Variants in C3orf62 observed in about 807,000 individuals in gnomAD.
C3orf62 encodes chromosome 3 open reading frame 62.
In C3orf62, 16 loss-of-function variants were observed where a neutral mutation model predicts 21.7. The observed-to-expected ratio is 0.74, with a 90% CI of 0.50 to 1.12. The LOEUF (loss-of-function observed/expected upper bound fraction) is 1.12, where lower values mean the gene tolerates loss of function less well. Ranked by LOEUF, C3orf62 falls within the 50% of genes most tolerant of loss-of-function variation. The pLI, the probability that C3orf62 is intolerant of heterozygous loss-of-function variation, is 0.00. For missense variants in C3orf62, 310 were observed against 318.8 expected, an observed-to-expected ratio of 0.97 and a Z score of 0.21; for synonymous variants, 114 against 117.0, an observed-to-expected ratio of 0.97 and a Z score of 0.17.
Position 49,270,359 on chromosome 3 carries a change from T to A in C3orf62, c.*821A>T. On this transcript the variant is annotated 3_prime_UTR_variant, in exon 3 of 3. Coordinates refer to ENST00000343010, the MANE Select transcript of C3orf62 (RefSeq NM_198562.3). ...GATTCAGTTTCCTTTCTTCCCTTTTTTTTTCTTTTTTTTTTTGAGACAGGG... is the reference window on the plus strand; with the variant it reads ...GATTCAGTTTCCTTTCTTCCCTTTTATTTTCTTTTTTTTTTTGAGACAGGG... 6.6e-6 allele frequency: 1 copy of A among 152,370 alleles called. No homozygotes were observed. The highest frequency in any genetic ancestry group is 1.9e-4 in the East Asian group (1 of 5,214). 9.4% of individuals were successfully genotyped at this position (152,370 alleles called of 1,614,324 possible). A position where few individuals can be genotyped will look rare whatever the true frequency, so the allele number is the denominator to read the frequency against.
At chr3:49,276,037 G>T (rs1377360608) in intron 1 of C3orf62, among the ~76,000 whole-genome samples, 1 of 152,144 alleles carries the variant, frequency 6.6e-6, no homozygotes, top group Non-Finnish European at 1.5e-5. Flanking sequence ...GTGGGCAAAG[G>T]AGGGTATCAA....
At chr3:49,271,939 A>G (rs1268009531) in intron 2 of C3orf62, among the ~76,000 whole-genome samples, 1 of 149,526 alleles carries the variant, frequency 6.7e-6, no homozygotes, top group African/African-American at 2.5e-5. Context: ...AAAAAAAAAC[A>G]AAAAAACCTC....
intron 1 of C3orf62, among the ~76,000 whole-genome samples, chr3:49,275,551 T>C (rs867462385): frequency 8.6e-6 from 1 of 116,176 alleles, no homozygotes; most frequent in African/African-American, 3.4e-5. Flanking sequence ...TTTTTTTTGA[T>C]ACGGAGTCTC....
rs972224875 is a variant in C3orf62, at chr3:49,277,117, G to A, written c.-245C>T. 8.8e-6 allele frequency: 13 copies of A among 1,475,310 alleles called. No homozygotes were observed. The highest frequency in any genetic ancestry group is 1.2e-5 in the Non-Finnish European group (13 of 1,107,726). The allele number at this position is 1,475,310 out of a possible 1,614,324, so 91.4% of individuals were successfully genotyped here. A position where few individuals can be genotyped will look rare whatever the true frequency, so the allele number is the denominator to read the frequency against. ...CCGCCGCTGCCTCCCGCCCCACCGC[G>A]GCTCCCAGGCCGCTGGCCCTACCGG... On this transcript the variant is annotated 5_prime_UTR_variant, in exon 1 of 3. Coordinates refer to ENST00000343010, the MANE Select transcript of C3orf62 (RefSeq NM_198562.3).
In C3orf62 at chr3:49,271,414, C is replaced by G. The variant is rs769802728; in HGVS notation, c.570G>C (p.Leu190Phe). ...CGTTTTCAAATTCTATTTTTCCAGC[C>G]AATTCTTCAATAGTTCGGATGCTTG... is the stretch of plus-strand genomic sequence containing the variant. ...DHTSIRTIEE[L>F]AGKIEFENEL... Residue 190 changes from leucine to phenylalanine, a missense_variant, in exon 3 of 3, where the codon TTG becomes TTC. Transcript: ENST00000343010. 3.1e-6 allele frequency: 5 copies of G among 1,613,980 alleles called. No homozygotes were observed. The African/African-American group carries it at 4.0e-5, about 13-fold the overall frequency.
chr3:49,273,272 T>C (rs771664558), intron 2 of C3orf62, among the ~76,000 whole-genome samples: 1 of 152,130 alleles, frequency 6.6e-6, no homozygotes, highest in African/African-American at 2.4e-5. Context: ...TAGCCAATCA[T>C]GGTGGCGTGC....
intron 1 of C3orf62, among the ~76,000 whole-genome samples, chr3:49,275,111 G>A (rs2107757123): frequency 6.7e-6 from 1 of 149,756 alleles, no homozygotes; most frequent in East Asian, 2.0e-4. Flanking sequence ...GAGCCACTGT[G>A]CCCAGCATTT....
intron 2 of C3orf62, among the ~76,000 whole-genome samples, chr3:49,272,511 T>C (rs902728912): frequency 4.7e-5 from 7 of 149,664 alleles, no homozygotes; most frequent in Non-Finnish European, 7.4e-5. Context: ...GGAAAGCTTT[T>C]GACTTCTAAT....
intron 1 of C3orf62, chr3:49,274,367 T>C: frequency 2.1e-6 from 1 of 469,406 alleles, no homozygotes; most frequent in Non-Finnish European, 3.9e-6. Context: ...TATTAAATTT[T>C]TTTCTTTTTT....
In C3orf62 at chr3:49,269,422, A is replaced by G. The variant is rs2046900868; in HGVS notation, c.*1758T>C. 6.6e-6 allele frequency: 1 copy of G among 152,200 alleles called. No individual in the cohort carries two copies. The highest frequency in any genetic ancestry group is 1.9e-4 in the East Asian group (1 of 5,194). The allele number at this position is 152,200 out of a possible 1,614,324, so 9.4% of individuals were successfully genotyped here. ...GTCCACATCCACATGTATTATTTGGAAGGCACTGTTTTGAGACCTGTTTTT... is the reference window on the plus strand; with the variant it reads ...GTCCACATCCACATGTATTATTTGGGAGGCACTGTTTTGAGACCTGTTTTT... On this transcript the variant is annotated 3_prime_UTR_variant, in exon 3 of 3. Transcript: ENST00000343010.
At position 49,270,936 on chromosome 3, in the gene C3orf62, C is replaced by T; in HGVS notation, c.*244G>A. 2.0e-6 allele frequency: 1 copy of T among 507,388 alleles called. No homozygotes were observed. Among genetic ancestry groups the T allele is most frequent in the Non-Finnish European group, 3.5e-6 (1 of 287,642 alleles). The allele number at this position is 507,388 out of a possible 1,614,324, so 31.4% of individuals were successfully genotyped here. On this transcript the variant is annotated 3_prime_UTR_variant, in exon 3 of 3. Transcript: ENST00000343010. Reference sequence around the variant, plus strand: ...ATATTGAACATCAATCAAAAAAACACATTCAAGATGTCAAGGAAAGTTAAA... The same window carrying T: ...ATATTGAACATCAATCAAAAAAACATATTCAAGATGTCAAGGAAAGTTAAA...
At chr3:49,271,892 C>G (rs1277575172) in intron 2 of C3orf62, among the ~76,000 whole-genome samples, 4 of 120,746 alleles carry the variant, frequency 3.3e-5, no homozygotes, top group Admixed American at 3.2e-4. Context: ...GCCTGGGCAA[C>G]AGAGTGAGGC....
Position 49,275,519 on chromosome 3 carries a change from G to GTTTTTTTTTTT in C3orf62, c.446+897_446+907dup, listed in dbSNP as rs59375945. On this transcript the variant is annotated intron_variant, in intron 1 of 2. Transcript: ENST00000343010. ...GCAGCCAAGATGGCAGAACTTTGAA[G>GTTTTTTTTTTT]TTTTTTTTTTTTTTTTTTTTTTTTT... 7.2e-4 allele frequency among the ~76,000 whole-genome samples: 50 copies of GTTTTTTTTTTT among 69,296 alleles called. 10 individuals carry two copies. Among genetic ancestry groups the GTTTTTTTTTTT allele is most frequent in the Non-Finnish European group, 9.3e-4 (37 of 39,742 alleles). 45.5% of individuals were successfully genotyped at this position (69,296 alleles called of 152,430 possible). A position where few individuals can be genotyped will look rare whatever the true frequency, so the allele number is the denominator to read the frequency against.
In C3orf62 at chr3:49,275,367, G is replaced by T. The variant is rs1192024454; in HGVS notation, c.446+1060C>A. Reference sequence around the variant, plus strand: ...CTCCCAAAGTGCTGAGATTACAGGCGTGCCACCACACCCGGCAAGGCCTGC... The same window carrying T: ...CTCCCAAAGTGCTGAGATTACAGGCTTGCCACCACACCCGGCAAGGCCTGC... On this transcript the variant is annotated intron_variant, in intron 1 of 2. Transcript: ENST00000343010. Among the ~76,000 whole-genome samples, 3 of 151,776 alleles carry T rather than the reference G, an allele frequency of 2.0e-5. No individual in the cohort carries two copies. In the East Asian group the frequency reaches 5.8e-4, roughly 30 times the overall value.
chr3:49,271,632 G>T (rs2046912290), intron 2 of C3orf62, among the ~76,000 whole-genome samples, 187 bp from the exon 3 acceptor site: 1 of 152,132 alleles, frequency 6.6e-6, no homozygotes, highest in Non-Finnish European at 1.5e-5. Context: ...TTCCTTTCAG[G>T]CCCAAGCATT....
At chr3:49,275,442 A>C (rs909732031) in intron 1 of C3orf62, among the ~76,000 whole-genome samples, 2 of 149,074 alleles carry the variant, frequency 1.3e-5, no homozygotes, top group South Asian at 4.3e-4. Flanking sequence ...AAGGAAAAAA[A>C]TTCTTGTGGA....
intron 1 of C3orf62, among the ~76,000 whole-genome samples, chr3:49,275,562 G>A (rs1480448394): frequency 1.9e-5 from 2 of 104,204 alleles, no homozygotes; most frequent in Non-Finnish European, 3.5e-5. Flanking sequence ...ACGGAGTCTC[G>A]CTCTGTCGCC....
rs868362670 is a variant in C3orf62 at position 49,271,122 on chromosome 3, C to T, written c.*58G>A. The T allele has an allele frequency of 3.2e-5, 49 of 1,546,346 alleles. 1 individual carries two copies. The African/African-American group carries it at 3.7e-4, about 12-fold the overall frequency. The stretch of plus-strand genomic sequence containing the variant: ...CCCCTGACGGCCATTGTAGCTGCTT[C>T]TGCTCAGGCTCAAGGGCAGCCTCCT... On this transcript the variant is annotated 3_prime_UTR_variant, in exon 3 of 3. Transcript: ENST00000343010.
At chr3:49,275,599 C>T (rs569818290) in intron 1 of C3orf62, among the ~76,000 whole-genome samples, 1 of 122,168 alleles carries the variant, frequency 8.2e-6, no homozygotes, top group Non-Finnish European at 1.6e-5. Flanking sequence ...GGCGTGATCT[C>T]GGCTCACTGC....
Sources: allele counts gnomAD v4.1 joint callset (sites outside exome capture counted in the v4.1 genomes callset), GRCh38; gene constraint gnomAD v4.1.1; transcripts MANE v1.5; gene names NCBI Gene and HGNC (gene_info 2026-07-23, HGNC 2026-07-21).